Variants in LSAMP observed in about 807,000 individuals in gnomAD.
LSAMP encodes limbic system associated membrane protein, also known as limbic system-associated membrane protein.
Under a neutral mutation model 38.6 loss-of-function variants are expected in LSAMP, and 7 were observed. The observed-to-expected ratio is 0.18, with a 90% CI of 0.10 to 0.34. The LOEUF is 0.34. Among genes scored for constraint, LSAMP ranks in the 10% least tolerant of loss-of-function variants. The pLI, the probability that LSAMP is intolerant of heterozygous loss-of-function variation, is 1.00. For synonymous variants in LSAMP, 154 were observed against 166.8 expected, an observed-to-expected ratio of 0.92 and a Z score of 0.59; for missense variants, 313 against 420.0, an observed-to-expected ratio of 0.75 and a Z score of 2.23.
chr3:116,197,163 A>ACACACACACACACTCTCTCTCTCTCTCT (rs1268040540), intron 1 of LSAMP, among the ~76,000 whole-genome samples: 3 of 139,086 alleles, frequency 2.2e-5, no homozygotes, highest in African/African-American at 7.8e-5. Flanking sequence ...ACACACACAC[A>ACACACACACACACTCTCTCTCTCTCTCT]CTCTCTCTCT....
chr3:116,239,370 A>T (rs2046503122), intron 1 of LSAMP, among the ~76,000 whole-genome samples: 1 of 151,964 alleles, frequency 6.6e-6, no homozygotes, highest in African/African-American at 2.4e-5. Context: ...CAGTTCCAAA[A>T]ATCCTAGCAA....
intron 1 of LSAMP, among the ~76,000 whole-genome samples, chr3:116,185,107 T>C (rs1399416776): frequency 6.6e-6 from 1 of 150,812 alleles, no homozygotes; most frequent in African/African-American, 2.4e-5. Context: ...GATAGATTTC[T>C]TCATTTTTCC....
chr3:115,921,624 A>G (rs1937384955), intron 3 of LSAMP, among the ~76,000 whole-genome samples: 2 of 152,012 alleles, frequency 1.3e-5, no homozygotes, highest in South Asian at 4.2e-4. Flanking sequence ...TTATTAATAT[A>G]TTTACCCTTA....
chr3:115,881,551 C>A (rs1213687365), intron 3 of LSAMP, among the ~76,000 whole-genome samples: 1 of 152,076 alleles, frequency 6.6e-6, no homozygotes, highest in Admixed American at 6.6e-5. Flanking sequence ...TCAATAAGAG[C>A]TATATTAAGA....
chr3:116,323,636 G>A (rs532118567), intron 1 of LSAMP, among the ~76,000 whole-genome samples: 1 of 152,142 alleles, frequency 6.6e-6, no homozygotes, highest in Admixed American at 6.5e-5. Flanking sequence ...AGAGCTGTTT[G>A]TCTCAGATTC....
rs867584520 is a variant in LSAMP, at chr3:116,087,906, T to C, written c.156-1350A>G. ...TTATTTAGAGGGAGATTTTTTTTTT[T>C]TTTTTTGAGACAGATCTTGTTCGGT... On this transcript the variant is annotated intron_variant, in intron 1 of 6. Coordinates refer to ENST00000490035, the MANE Select transcript of LSAMP (RefSeq NM_002338.5). 3.1e-3 allele frequency among the ~76,000 whole-genome samples: 466 copies of C among 151,890 alleles called. 5 individuals are homozygous for C. The highest frequency in any genetic ancestry group is 0.011 in the African/African-American group (436 of 41,406).
At chr3:116,079,467 C>G (rs1395405834) in intron 2 of LSAMP, among the ~76,000 whole-genome samples, 2 of 152,098 alleles carry the variant, frequency 1.3e-5, no homozygotes, top group Non-Finnish European at 2.9e-5. Context: ...CACTGGCAAA[C>G]ATAGTGAAAC....
chr3:116,079,631 C>CA (rs34038261), intron 2 of LSAMP, among the ~76,000 whole-genome samples: 21,558 of 85,586 alleles, frequency 0.25, 2,284 homozygotes, highest in Admixed American at 0.3. Flanking sequence ...GACTCTGTCT[C>CA]AAAAAAAAAA....
chr3:115,965,218 A>G (rs1411155455), intron 3 of LSAMP, among the ~76,000 whole-genome samples: 1 of 152,046 alleles, frequency 6.6e-6, no homozygotes, highest in Non-Finnish European at 1.5e-5. Context: ...CCAGAAACAG[A>G]TATCTACAAA....
rs116492113 is a variant in LSAMP at position 116,366,190 on chromosome 3, A to T, written c.155+78687T>A. 4.3e-3 allele frequency among the ~76,000 whole-genome samples: 655 copies of T among 152,096 alleles called. 6 individuals carry two copies. The highest frequency in any genetic ancestry group is 0.015 in the African/African-American group (622 of 41,498). On this transcript the variant is annotated intron_variant, in intron 1 of 6. Coordinates refer to ENST00000490035, the MANE Select transcript of LSAMP (RefSeq NM_002338.5). ...AAACTTACAAGAAAAAAAAAATCTC[A>T]TTCAAAAGTGGGCAAATAACATAAA...
intron 1 of LSAMP, among the ~76,000 whole-genome samples, chr3:116,254,556 A>T (rs1195624505): frequency 6.6e-6 from 1 of 152,102 alleles, no homozygotes; most frequent in East Asian, 1.9e-4. Flanking sequence ...AATAAACAAA[A>T]CCAATTCCCT....
At chr3:116,405,308 T>G (rs1414802671) in intron 1 of LSAMP, among the ~76,000 whole-genome samples, 1 of 152,098 alleles carries the variant, frequency 6.6e-6, no homozygotes, top group Non-Finnish European at 1.5e-5. Flanking sequence ...TGCCATTACC[T>G]TCTAGACAGA....
At chr3:116,203,646 G>T (rs578054478) in intron 1 of LSAMP, among the ~76,000 whole-genome samples, 1 of 148,116 alleles carries the variant, frequency 6.8e-6, no homozygotes, top group Admixed American at 6.9e-5. Context: ...GAGAATATGC[G>T]GTGTTTGGTT....
chr3:115,854,854 A>G (rs1190105262), intron 3 of LSAMP, among the ~76,000 whole-genome samples: 2 of 152,242 alleles, frequency 1.3e-5, no homozygotes, highest in African/African-American at 2.4e-5. Flanking sequence ...AGAAATAGGT[A>G]TAAGCTCATT....
intron 1 of LSAMP, among the ~76,000 whole-genome samples, chr3:116,235,002 C>CT (rs941477036): frequency 3.4e-5 from 5 of 148,134 alleles, no homozygotes; most frequent in African/African-American, 1.2e-4. Context: ...TGACAATGAA[C>CT]TTTTTTTATG....
intron 3 of LSAMP, among the ~76,000 whole-genome samples, chr3:115,979,007 A>C (rs1939273405): frequency 6.6e-6 from 1 of 152,156 alleles, no homozygotes; most frequent in South Asian, 2.1e-4. Flanking sequence ...ATTGTAAAAC[A>C]GAAAAAAAAT....
intron 2 of LSAMP, among the ~76,000 whole-genome samples, chr3:116,035,102 C>T (rs935215258): frequency 2.6e-5 from 4 of 152,070 alleles, no homozygotes; most frequent in African/African-American, 7.2e-5. Context: ...ATCACTAAGT[C>T]TAATTACAAA....
intron 2 of LSAMP, among the ~76,000 whole-genome samples, chr3:116,074,334 T>C (rs935157836): frequency 6.6e-6 from 1 of 152,332 alleles, no homozygotes; most frequent in African/African-American, 2.4e-5. Flanking sequence ...GGGCAGCCAC[T>C]ATAATGTTCA....
chr3:116,254,042 T>C (rs1576462292), intron 1 of LSAMP, among the ~76,000 whole-genome samples: 1 of 152,204 alleles, frequency 6.6e-6, no homozygotes, highest in East Asian at 1.9e-4. Context: ...ATATCCTTCA[T>C]AGAGGATGTT....
Sources: allele counts gnomAD v4.1 joint callset (sites outside exome capture counted in the v4.1 genomes callset), GRCh38; gene constraint gnomAD v4.1.1; transcripts MANE v1.5; gene names NCBI Gene and HGNC (gene_info 2026-07-23, HGNC 2026-07-21).